The following ARSH variants were observed in gnomAD, a reference collection of about 807,000 sequenced individuals.
ARSH encodes arylsulfatase family member H.
In ARSH, 32 loss-of-function variants were observed where a neutral mutation model predicts 28.7. The ratio of observed to expected loss-of-function variants is 1.11; its 90% CI spans 0.84 to 1.50. The LOEUF (loss-of-function observed/expected upper bound fraction) is 1.50. ARSH is among the 40% of genes most tolerant of loss of function. The probability of loss-of-function intolerance (pLI) is 0.00; values close to 1 mark genes in which losing one functional copy is unlikely to be tolerated. For missense variants in ARSH, 440 were observed against 452.4 expected (o/e 0.97, Z 0.25); for synonymous variants, 176 against 177.3 (o/e 0.99, Z 0.06).
intron 1 of ARSH, among the ~76,000 whole-genome samples, chrX:3,008,082 G>T (rs1320337673): frequency 8.9e-6 from 1 of 112,040 alleles, no homozygotes; most frequent in Non-Finnish European, 1.9e-5. Flanking sequence ...CATAACATAT[G>T]GTAAGTGGTG....
At chrX:3,008,448 ATT>A (rs2089835298) in intron 1 of ARSH, among the ~76,000 whole-genome samples, 1 of 90,823 alleles carries the variant, frequency 1.1e-5, no homozygotes, top group Admixed American at 1.2e-4. Flanking sequence ...TCTTCTTCTT[ATT>A]TTCTTTCTTT....
rs1569125473 is a variant in ARSH, at chrX:3,027,373, C to T, written c.1097C>T (p.Pro366Leu). ...GIRVPGIFRW[P>L]SVLEAGRVIN... ...CGTGTGCCAGGGATATTCCGGTGGCCGTCAGTCTTGGAGGCTGGGAGAGTG... is the reference window on the plus strand; with the variant it reads ...CGTGTGCCAGGGATATTCCGGTGGCTGTCAGTCTTGGAGGCTGGGAGAGTG... Residue 366 changes from proline (P) to leucine (L), a missense_variant, in exon 7 of 9, where the codon CCG (proline) becomes CTG (leucine). Coordinates refer to ENST00000381130, the MANE Select transcript of ARSH (RefSeq NM_001011719.2). 5.0e-6 allele frequency: 6 copies of T among 1,209,354 alleles called. No individual in the cohort carries two copies. The highest frequency in any genetic ancestry group is 3.5e-5 in the African/African-American group (2 of 57,078).
At chrX:3,017,773 G>A (rs771114973) in intron 4 of ARSH, among the ~76,000 whole-genome samples, 88 of 111,043 alleles carry the variant, frequency 7.9e-4, no homozygotes, top group African/African-American at 2.7e-3. Context: ...AAGAAAGAAG[G>A]GAAAATGGAG....
intron 2 of ARSH, among the ~76,000 whole-genome samples, chrX:3,012,225 A>C (rs1271420177): frequency 9.1e-6 from 1 of 109,811 alleles, no homozygotes; most frequent in African/African-American, 3.3e-5. Context: ...AATATTGTCC[A>C]CCAGTATAAA....
rs143689139 is a variant in ARSH, at chrX:3,024,115, C to T, written c.996C>T (p.Asp332=). 6.4e-5 allele frequency: 77 copies of T among 1,198,766 alleles called. No homozygotes were observed. In the Admixed American group the frequency reaches 8.7e-4, roughly 14 times the overall value. Reference sequence around the variant, plus strand: ...ACGGGGGCCACCTGGAGCCCCTGGACGGGGCTGTTCAGCTGGGTGGCTGGA... The same window carrying T: ...ACGGGGGCCACCTGGAGCCCCTGGATGGGGCTGTTCAGCTGGGTGGCTGGA... ...SDNGGHLEPL[D]GAVQLGGWNG... The change falls in exon 6 of 9, where the codon GAC becomes GAT. Residue 332 remains aspartate, a synonymous_variant. Transcript: ENST00000381130.
chrX:3,008,460 T>C (rs941523817), intron 1 of ARSH, among the ~76,000 whole-genome samples: 7 of 63,680 alleles, frequency 1.1e-4, no homozygotes, highest in Admixed American at 5.6e-4. Context: ...TTTCTTTCTT[T>C]CTTTCTTTCT....
Position 3,027,360 on chromosome X carries a change from A to G in ARSH, c.1084A>G (p.Ile362Val), listed in dbSNP as rs2089901713. The change falls in exon 7 of 9, where the codon ATA becomes GTA. Residue 362 changes from isoleucine (I) to valine (V), a missense_variant. Transcript: ENST00000381130. ...GWEGGIRVPG[I>V]FRWPSVLEAG... Reference sequence around the variant, plus strand: ...GGAAGGAGGTATCCGTGTGCCAGGGATATTCCGGTGGCCGTCAGTCTTGGA... The same window carrying G: ...GGAAGGAGGTATCCGTGTGCCAGGGGTATTCCGGTGGCCGTCAGTCTTGGA... The G allele has an allele frequency of 8.3e-7, 1 of 1,211,425 alleles. No individual in the cohort carries two copies. The highest frequency in any genetic ancestry group is 1.1e-6 in the Non-Finnish European group (1 of 895,441).
intron 5 of ARSH, 95 bp from the exon 6 acceptor site, chrX:3,023,926 G>A (rs1397408138): frequency 5.0e-6 from 5 of 994,387 alleles, no homozygotes; most frequent in African/African-American, 1.9e-5. Flanking sequence ...ACATTGAAAC[G>A]CTATGTGTAA....
rs140720495 is a variant in ARSH at position 3,006,617 on chromosome X, C to G, written c.5C>G (p.Thr2Arg). Reference protein sequence around the residue: MTRNARPNIVLL... With the variant: MRRNARPNIVLL... The stretch of plus-strand genomic sequence containing the variant: ...TGCGGTGTTGATGGCACATTTATGA[C>G]AAGAAACGCCAGACCCAACATTGTC... The change falls in exon 1 of 9, where the codon ACA (threonine) becomes AGA (arginine). Residue 2 changes from threonine to arginine, a missense_variant. Thr to Arg is a moderately conservative substitution (Grantham distance 71, BLOSUM62 -1). Transcript: ENST00000381130. 1 of 1,210,123 alleles carries G rather than the reference C, an allele frequency of 8.3e-7. No homozygotes were observed. Among genetic ancestry groups the G allele is most frequent in the Non-Finnish European group, 1.1e-6 (1 of 894,431 alleles).
intron 5 of ARSH, among the ~76,000 whole-genome samples, chrX:3,020,567 C>T (rs1447271554): frequency 7.7e-5 from 6 of 77,572 alleles, no homozygotes; most frequent in African/African-American, 1.6e-4. Context: ...CCAGCCTGGG[C>T]GACAGAGCCA....
At chrX:3,024,459 G>A (rs1251721683) in intron 6 of ARSH, among the ~76,000 whole-genome samples, 1 of 110,527 alleles carries the variant, frequency 9.0e-6, no homozygotes, top group East Asian at 2.9e-4. Context: ...CTGGCTGGGG[G>A]CATCCTGTGC....
chrX:3,013,903 G>A (rs1343849382), intron 3 of ARSH, among the ~76,000 whole-genome samples: 1 of 111,419 alleles, frequency 9.0e-6, no homozygotes, highest in African/African-American at 3.3e-5. Flanking sequence ...TTTGAGCAGC[G>A]TTCTTACATC....
At position 3,027,407 on chromosome X, in the gene ARSH, G is replaced by A. The variant is rs1253000782; in HGVS notation, c.1131G>A (p.Glu377=). The A allele has an allele frequency of 8.3e-7, 1 of 1,209,676 alleles. No homozygotes were observed. Among genetic ancestry groups the A allele is most frequent in the Non-Finnish European group, 1.1e-6 (1 of 894,984 alleles). The change falls in exon 7 of 9, where the codon GAG becomes GAA. Residue 377 remains glutamate, a synonymous_variant. Coordinates refer to ENST00000381130, the MANE Select transcript of ARSH (RefSeq NM_001011719.2). ...SVLEAGRVIN[E]PTSLMDIYPT... ...TGGAGGCTGGGAGAGTGATCAATGAGCCCACCAGCTTAATGGACATCTATC... is the reference window on the plus strand; with the variant it reads ...TGGAGGCTGGGAGAGTGATCAATGAACCCACCAGCTTAATGGACATCTATC...
At chrX:3,016,066 A>G (rs930148553) in intron 4 of ARSH, among the ~76,000 whole-genome samples, 1 of 105,743 alleles carries the variant, frequency 9.5e-6, no homozygotes. Flanking sequence ...GCTAGAGTGC[A>G]GTGGTGCAAT....
intron 8 of ARSH, 142 bp from the exon 9 acceptor site, chrX:3,032,875 GA>G (rs2089918266): frequency 1.7e-6 from 1 of 573,244 alleles, no homozygotes; most frequent in East Asian, 3.5e-5. Flanking sequence ...TAGAGTTGAA[GA>G]AATGCTACTG....
At chrX:3,009,749 A>G (rs1048017618) in intron 1 of ARSH, among the ~76,000 whole-genome samples, 4 of 111,918 alleles carry the variant, frequency 3.6e-5, no homozygotes, top group Middle Eastern at 4.6e-3. Context: ...TAATTTTTCC[A>G]TTGAAATACA....
rs73635390 is a variant in ARSH, at chrX:3,010,515, G to A, written c.214+364G>A. ...ATAAGTGGATCAAATCCACCTCTGT[G>A]GATGAGATTGGAAAACTAGACACAG... is the stretch of plus-strand genomic sequence containing the variant. On this transcript the variant is annotated intron_variant, in intron 2 of 8. Transcript: ENST00000381130. 3.4e-3 allele frequency among the ~76,000 whole-genome samples: 376 copies of A among 111,605 alleles called. 2 individuals are homozygous for A. Among genetic ancestry groups the A allele is most frequent in the African/African-American group, 0.012 (360 of 30,770 alleles).
At chrX:3,019,252 G>A (rs1377809801) in intron 5 of ARSH, among the ~76,000 whole-genome samples, 3 of 79,995 alleles carry the variant, frequency 3.8e-5, no homozygotes, top group East Asian at 4.2e-4. Flanking sequence ...GTGACACAGC[G>A]AGATTCTGTT....
At chrX:3,013,253 T>C in intron 3 of ARSH, 81 bp downstream of exon 3, 1 of 1,084,540 alleles carries the variant, frequency 9.2e-7, no homozygotes, top group African/African-American at 1.8e-5. Flanking sequence ...CCGGGGATGT[T>C]GGCTTTGTGC....
Sources: gnomAD v4.1 joint callset for allele counts (sites outside exome capture counted in the v4.1 genomes callset) on GRCh38, gnomAD v4.1.1 for gene constraint, MANE v1.5 for transcripts, NCBI Gene and HGNC (gene_info 2026-07-23, HGNC 2026-07-21) for gene names.